The following NUDCD1 variants were observed in gnomAD, a reference collection of about 807,000 sequenced individuals.
The protein encoded by NUDCD1 is nudC domain-containing protein 1.
NUDCD1 carries 60 observed loss-of-function variants against 67.8 expected under a neutral mutation model. That is an observed-to-expected ratio of 0.88 (90% confidence interval 0.72 to 1.10). NUDCD1 has a LOEUF of 1.10. NUDCD1 is among the 50% of genes least tolerant of loss of function. The pLI is 0.00. For missense variants in NUDCD1, 643 were observed against 695.0 expected, an observed-to-expected ratio of 0.93 and a Z score of 0.84; for synonymous variants, 244 against 230.8, an observed-to-expected ratio of 1.06 and a Z score of -0.52.
intron 4 of NUDCD1, 28 bp from the exon 5 acceptor site, chr8:109,289,961 C>G (rs1337667787): frequency 1.9e-6 from 2 of 1,049,352 alleles, no homozygotes; most frequent in Middle Eastern, 2.2e-4. Context: ...CAGAACAAAA[C>G]ATTACAAATA....
At chr8:109,282,322 A>C (rs1310622524) in intron 5 of NUDCD1, among the ~76,000 whole-genome samples, 3 of 152,154 alleles carry the variant, frequency 2.0e-5, no homozygotes, top group Non-Finnish European at 4.4e-5. Flanking sequence ...GTTACTAACA[A>C]GCACCATCTA....
At chr8:109,268,594 G>T (rs1193773876) in intron 8 of NUDCD1, among the ~76,000 whole-genome samples, 1 of 152,078 alleles carries the variant, frequency 6.6e-6, no homozygotes, top group Non-Finnish European at 1.5e-5. Context: ...AAATTCTCAG[G>T]GAAGCTACGT....
chr8:109,265,195 T>G (rs564076711), intron 8 of NUDCD1, among the ~76,000 whole-genome samples: 1 of 152,104 alleles, frequency 6.6e-6, no homozygotes, highest in African/African-American at 2.4e-5. Context: ...TAAACAATTT[T>G]GTTTCGTAAA....
At chr8:109,293,138 C>A (rs1448139043) in intron 4 of NUDCD1, among the ~76,000 whole-genome samples, 1 of 151,928 alleles carries the variant, frequency 6.6e-6, no homozygotes, top group East Asian at 1.9e-4. Context: ...GCATAATTGG[C>A]TGTGGATGCA....
chr8:109,266,566 T>C (rs1398206227), intron 8 of NUDCD1, among the ~76,000 whole-genome samples: 1 of 152,102 alleles, frequency 6.6e-6, no homozygotes, highest in African/African-American at 2.4e-5. Context: ...TTATGTTTTA[T>C]GTATTTCATG....
chr8:109,243,125 G>A lies in NUDCD1; in HGVS notation c.1636C>T (p.Gln546Ter), dbSNP rs764676260. Residue 546 changes from glutamine (Q) to a stop codon, truncating the protein, a stop_gained, in exon 10 of 10, where the codon CAA (glutamine) becomes TAA (stop). Coordinates refer to ENST00000239690, the MANE Select transcript of NUDCD1 (RefSeq NM_032869.4). LOFTEE classifies it high-confidence loss of function. ...TCATTGGTTTCTAGGCTTGCTACTT[G>A]CTGCTTAGCAACCTGTCCTACTTGC... ...GRQVGQVAKQQVASLETNDPI... is the reference protein window; with the variant it reads ...GRQVGQVAKQ 6.2e-7 allele frequency: 1 copy of A among 1,613,804 alleles called. No homozygotes were observed. The highest frequency in any genetic ancestry group is 1.7e-5 in the Admixed American group (1 of 60,002).
chr8:109,281,384 G>A (rs1814434726), intron 5 of NUDCD1, among the ~76,000 whole-genome samples: 1 of 152,092 alleles, frequency 6.6e-6, no homozygotes, highest in Non-Finnish European at 1.5e-5. Context: ...CTTACCTGAT[G>A]CTTGAGGAGA....
At chr8:109,298,057 G>A (rs898404266) in intron 2 of NUDCD1, among the ~76,000 whole-genome samples, 7 of 151,922 alleles carry the variant, frequency 4.6e-5, no homozygotes, top group African/African-American at 7.3e-5. Flanking sequence ...AGCTTTCTCC[G>A]AAACAGCACC....
At chr8:109,287,486 C>T (rs1319254096) in intron 5 of NUDCD1, among the ~76,000 whole-genome samples, 3 of 152,098 alleles carry the variant, frequency 2.0e-5, no homozygotes, top group Non-Finnish European at 4.4e-5. Context: ...ATGTCCTTTG[C>T]AGCAACATGA....
intron 2 of NUDCD1, among the ~76,000 whole-genome samples, chr8:109,304,214 G>A (rs180990237): frequency 1.4e-4 from 22 of 152,274 alleles, no homozygotes; most frequent in East Asian, 5.8e-4. Context: ...AGCCGGGACC[G>A]TGCTGTGTAG....
intron 8 of NUDCD1, among the ~76,000 whole-genome samples, chr8:109,255,665 A>G (rs867290394): frequency 4.0e-5 from 6 of 151,302 alleles, no homozygotes; most frequent in African/African-American, 1.2e-4. Flanking sequence ...CAGAAAATAG[A>G]AAGTTCCACA....
At chr8:109,282,833 A>T (rs114748772) in intron 5 of NUDCD1, among the ~76,000 whole-genome samples, 3,663 of 146,960 alleles carry the variant, frequency 0.025, 135 homozygotes, top group African/African-American at 0.095. Context: ...AAAGTACAAT[A>T]AAAAAATTCC....
chr8:109,303,396 T>G (rs1394488279), intron 2 of NUDCD1, among the ~76,000 whole-genome samples: 1 of 152,128 alleles, frequency 6.6e-6, no homozygotes, highest in Non-Finnish European at 1.5e-5. Flanking sequence ...GGCCACCCAC[T>G]CCACATTACC....
At chr8:109,277,996 C>T (rs572212092) in intron 6 of NUDCD1, among the ~76,000 whole-genome samples, 2 of 152,262 alleles carry the variant, frequency 1.3e-5, no homozygotes, top group Admixed American at 6.5e-5. Context: ...TTTCTATGAG[C>T]TAGATATATT....
chr8:109,275,321 G>C (rs369096492), intron 7 of NUDCD1, 31 bp downstream of exon 7: 1 of 1,593,656 alleles, frequency 6.3e-7, no homozygotes, highest in African/African-American at 1.4e-5. Flanking sequence ...TTGGACCCTT[G>C]GAAAGTCACA....
chr8:109,323,573 CAT>C (rs1390758175), intron 1 of NUDCD1, among the ~76,000 whole-genome samples: 1 of 151,914 alleles, frequency 6.6e-6, no homozygotes, highest in Non-Finnish European at 1.5e-5. Flanking sequence ...CATGAGAACA[CAT>C]AATGTAAGAG....
chr8:109,275,300 A>G (rs1814255879), intron 7 of NUDCD1, 52 bp downstream of exon 7: 3 of 1,546,716 alleles, frequency 1.9e-6, no homozygotes, highest in Admixed American at 1.9e-5. Context: ...TAATCTTCAC[A>G]TAACATATTT....
chr8:109,298,325 T>TTA (rs1197399341), intron 2 of NUDCD1, among the ~76,000 whole-genome samples: 1 of 152,162 alleles, frequency 6.6e-6, no homozygotes, highest in African/African-American at 2.4e-5. Context: ...TTTGGTCTGT[T>TTA]AAGTGGAGGT....
chr8:109,247,199 C>A (rs1391827152), intron 8 of NUDCD1, among the ~76,000 whole-genome samples: 4 of 152,150 alleles, frequency 2.6e-5, no homozygotes, highest in African/African-American at 4.8e-5. Flanking sequence ...GCTCTCTTCC[C>A]TGTACTCCAA....
Sources: gnomAD v4.1 joint callset for allele counts (sites outside exome capture counted in the v4.1 genomes callset) on GRCh38, gnomAD v4.1.1 for gene constraint, MANE v1.5 for transcripts, NCBI Gene and HGNC (gene_info 2026-07-23, HGNC 2026-07-21) for gene names.